Variants in DPP10 observed in about 807,000 individuals in gnomAD.
DPP10 encodes the protein dipeptidyl peptidase like 10, also known as inactive dipeptidyl peptidase 10.
Under a neutral mutation model 120.9 loss-of-function variants are expected in DPP10, and 33 were observed. The observed-to-expected ratio is 0.27, with a 90% CI of 0.21 to 0.37. DPP10 has a LOEUF of 0.37. DPP10 is among the 10% of genes least tolerant of loss of function. The pLI, the probability that DPP10 is intolerant of heterozygous loss-of-function variation, is 1.00. For missense variants in DPP10, 816 were observed against 942.8 expected (o/e 0.87, Z 1.76); for synonymous variants, 337 against 326.1 (o/e 1.03, Z -0.36).
At chr2:114,539,868 T>C (rs1027681587) in intron 1 of DPP10, among the ~76,000 whole-genome samples, 6 of 152,144 alleles carry the variant, frequency 3.9e-5, no homozygotes, top group Admixed American at 6.6e-5. Context: ...AACAGATAAA[T>C]CAGTCACTTA....
At chr2:115,749,445 C>A (rs1678422026) in intron 10 of DPP10, among the ~76,000 whole-genome samples, 1 of 152,126 alleles carries the variant, frequency 6.6e-6, no homozygotes, top group African/African-American at 2.4e-5. Flanking sequence ...TTGTTCTCAA[C>A]CTGCATCACT....
At chr2:114,507,474 A>C (rs1212198102) in intron 1 of DPP10, among the ~76,000 whole-genome samples, 1 of 152,228 alleles carries the variant, frequency 6.6e-6, no homozygotes, top group Non-Finnish European at 1.5e-5. Context: ...AATAGGAGAC[A>C]CTATTCAACT....
chr2:114,943,059 C>A (rs1386587847), intron 1 of DPP10, among the ~76,000 whole-genome samples: 2 of 152,048 alleles, frequency 1.3e-5, no homozygotes, highest in Non-Finnish European at 2.9e-5. Flanking sequence ...AGCCCTCCAC[C>A]CCCCAGCAGG....
intron 1 of DPP10, among the ~76,000 whole-genome samples, chr2:115,004,480 C>A (rs550216380): frequency 6.6e-6 from 1 of 152,296 alleles, no homozygotes; most frequent in African/African-American, 2.4e-5. Flanking sequence ...CTAGGGAGTG[C>A]CAGACAGTGG....
At chr2:115,481,650 T>C (rs949958143) in intron 3 of DPP10, among the ~76,000 whole-genome samples, 4 of 152,144 alleles carry the variant, frequency 2.6e-5, no homozygotes, top group Non-Finnish European at 5.9e-5. Flanking sequence ...GACTTTTTTC[T>C]CAGGGGTCCT....
At chr2:115,267,307 T>C (rs1222602563) in intron 1 of DPP10, among the ~76,000 whole-genome samples, 1 of 152,188 alleles carries the variant, frequency 6.6e-6, no homozygotes, top group Non-Finnish European at 1.5e-5. Flanking sequence ...TTCGAACATA[T>C]ATGCAATATG....
chr2:115,238,732 G>C (rs2058121182), intron 1 of DPP10, among the ~76,000 whole-genome samples: 1 of 152,176 alleles, frequency 6.6e-6, no homozygotes, highest in South Asian at 2.1e-4. Context: ...GAACATTGTT[G>C]AAATGACAGC....
intron 1 of DPP10, among the ~76,000 whole-genome samples, chr2:114,881,598 G>GTCTA (rs58501993): frequency 0.085 from 11,982 of 140,740 alleles, 582 homozygotes; most frequent in Middle Eastern, 0.15. Context: ...CTGTCTGTCT[G>GTCTA]TCTATCTATC....
chr2:115,481,504 G>A (rs2075424884), intron 3 of DPP10, among the ~76,000 whole-genome samples: 1 of 152,096 alleles, frequency 6.6e-6, no homozygotes, highest in African/African-American at 2.4e-5. Flanking sequence ...AGGAGTTTTA[G>A]TTGCTGATTC....
intron 4 of DPP10, among the ~76,000 whole-genome samples, chr2:115,522,978 G>T (rs940758068): frequency 2.6e-5 from 4 of 151,988 alleles, no homozygotes; most frequent in African/African-American, 7.2e-5. Flanking sequence ...AACATTAAAG[G>T]CATACACTAA....
At chr2:115,471,795 T>TGTC (rs1242513762) in intron 3 of DPP10, among the ~76,000 whole-genome samples, 1 of 151,414 alleles carries the variant, frequency 6.6e-6, no homozygotes, top group Non-Finnish European at 1.5e-5. Flanking sequence ...TTGTTGTTGT[T>TGTC]GTTGTTTAGA....
intron 1 of DPP10, among the ~76,000 whole-genome samples, chr2:114,586,460 T>A (rs1690988999): frequency 6.6e-6 from 1 of 152,216 alleles, no homozygotes; most frequent in Non-Finnish European, 1.5e-5. Context: ...AGTTTTCTTT[T>A]CTATAAATTG....
intron 5 of DPP10, among the ~76,000 whole-genome samples, chr2:115,551,982 A>T (rs958903030): frequency 6.6e-6 from 1 of 152,090 alleles, no homozygotes; most frequent in Non-Finnish European, 1.5e-5. Context: ...AATTGCCCTT[A>T]ATCTTTCACT....
chr2:114,544,237 A>C (rs974661833), intron 1 of DPP10, among the ~76,000 whole-genome samples: 1 of 152,192 alleles, frequency 6.6e-6, no homozygotes, highest in Admixed American at 6.5e-5. Context: ...TCCATTGAGA[A>C]GTGAATGTGA....
chr2:114,911,740 C>T lies in DPP10; in HGVS notation c.61-397499C>T, dbSNP rs1694383362. On this transcript the variant is annotated intron_variant, in intron 1 of 25. Coordinates refer to ENST00000410059, the MANE Select transcript of DPP10 (RefSeq NM_020868.6). ...GGAACTGAGAGAAAGATAAATCATA[C>T]TGAGCTTTGGGGCCATAGGAGGTAG... is the stretch of plus-strand genomic sequence containing the variant. Among the ~76,000 whole-genome samples, 3 of 152,278 alleles carry T rather than the reference C, an allele frequency of 2.0e-5. No individual in the cohort carries two copies. In the South Asian group the frequency reaches 6.2e-4, roughly 32 times the overall value.
At chr2:114,494,115 A>ACAAC (rs546093476) in intron 1 of DPP10, among the ~76,000 whole-genome samples, 137 of 142,634 alleles carry the variant, frequency 9.6e-4, no homozygotes, top group South Asian at 1.8e-3. Context: ...AAAAAAAAAA[A>ACAAC]AAAAAACCCA....
chr2:114,525,393 C>T (rs1211252042), intron 1 of DPP10, among the ~76,000 whole-genome samples: 1 of 151,992 alleles, frequency 6.6e-6, no homozygotes, highest in Non-Finnish European at 1.5e-5. Context: ...GAGGCTAGGT[C>T]CTGATAAAAA....
rs909662633 is a variant in DPP10, at chr2:115,491,670, T to C, written c.272-7840T>C. Among the ~76,000 whole-genome samples the C allele has an allele frequency of 2.6e-5, 4 of 152,184 alleles. No individual in the cohort carries two copies. The East Asian group carries it at 5.8e-4, about 22-fold the overall frequency. On this transcript the variant is annotated intron_variant, in intron 3 of 25. Coordinates refer to ENST00000410059, the MANE Select transcript of DPP10 (RefSeq NM_020868.6). ...GCATGTCTGTGGTCGGGGAGGAGTT[T>C]GGAATGTTTCTGGTTGGAGATGTTA...
intron 1 of DPP10, among the ~76,000 whole-genome samples, chr2:114,998,408 T>C (rs1245814069): frequency 1.3e-5 from 2 of 152,188 alleles, no homozygotes; most frequent in Admixed American, 1.3e-4. Context: ...AAAAGAATTA[T>C]TGCTATATTA....
Sources: allele counts gnomAD v4.1 joint callset (sites outside exome capture counted in the v4.1 genomes callset), GRCh38; gene constraint gnomAD v4.1.1; transcripts MANE v1.5; gene names NCBI Gene and HGNC (gene_info 2026-07-23, HGNC 2026-07-21).